SLC41A2: variants seen among roughly 807,000 people sequenced by gnomAD.
The protein encoded by SLC41A2 is solute carrier family 41 member 2, also known as SLC41A1-like 1.
Under a neutral mutation model 58.3 loss-of-function variants are expected in SLC41A2, and 32 were observed. The ratio of observed to expected loss-of-function variants is 0.55; its 90% CI spans 0.41 to 0.74. The LOEUF (loss-of-function observed/expected upper bound fraction) is 0.74. Among genes scored for constraint, SLC41A2 ranks in the 30% least tolerant of loss-of-function variants. The pLI is 0.00. For synonymous variants in SLC41A2, 190 were observed against 235.0 expected, an observed-to-expected ratio of 0.81 and a Z score of 1.75; for missense variants, 514 against 680.6, an observed-to-expected ratio of 0.76 and a Z score of 2.72.
intron 10 of SLC41A2, chr12:104,833,903 A>G (rs997587094): frequency 2.7e-5 from 13 of 487,242 alleles, no homozygotes; most frequent in African/African-American, 2.5e-4. Context: ...TCACTCAGTT[A>G]TAAGATTTTT....
intron 10 of SLC41A2, among the ~76,000 whole-genome samples, chr12:104,819,852 C>T (rs1269577174): frequency 6.6e-6 from 1 of 152,176 alleles, no homozygotes; most frequent in Non-Finnish European, 1.5e-5. Context: ...TGTAAGGATA[C>T]AATGCTGTGG....
At chr12:104,838,501 A>C (rs897043184) in intron 10 of SLC41A2, among the ~76,000 whole-genome samples, 9 of 152,224 alleles carry the variant, frequency 5.9e-5, no homozygotes, top group African/African-American at 2.2e-4. Context: ...AGTATTGCCT[A>C]GTGAAAGTAA....
Position 104,808,675 on chromosome 12 carries a change from C to T in SLC41A2, c.1537-3338G>A, listed in dbSNP as rs948646774. Among the ~76,000 whole-genome samples the T allele has an allele frequency of 3.7e-4, 56 of 152,082 alleles. No individual in the cohort carries two copies. The East Asian group carries it at 4.1e-3, about 11-fold the overall frequency. On this transcript the variant is annotated intron_variant, in intron 10 of 10. Coordinates refer to ENST00000258538, the MANE Select transcript of SLC41A2 (RefSeq NM_001352171.3). ...TCCTCCTTGTACCTCTGGTGGAATTCGGCTGTGAATCCATCTGGTCCTGGA... is the reference window on the plus strand; with the variant it reads ...TCCTCCTTGTACCTCTGGTGGAATTTGGCTGTGAATCCATCTGGTCCTGGA...
intron 7 of SLC41A2, among the ~76,000 whole-genome samples, chr12:104,864,959 C>T (rs552060390): frequency 6.6e-6 from 1 of 151,882 alleles, no homozygotes; most frequent in Admixed American, 6.6e-5. Context: ...TATGAAATGT[C>T]TAGCAATCCT....
At chr12:104,845,700 T>C (rs2042575921) in intron 9 of SLC41A2, 143 bp downstream of exon 9, 6 of 700,390 alleles carry the variant, frequency 8.6e-6, no homozygotes, top group Non-Finnish European at 1.3e-5. Flanking sequence ...TACACATGCC[T>C]TTTCATTCAC....
At chr12:104,930,508 T>C (rs553601820) in intron 1 of SLC41A2, among the ~76,000 whole-genome samples, 29 of 152,134 alleles carry the variant, frequency 1.9e-4, no homozygotes, top group Non-Finnish European at 3.7e-4. Context: ...ACTGCCCCAA[T>C]AGATCTTTAA....
chr12:104,908,902 A>G (rs2045963668), intron 3 of SLC41A2, among the ~76,000 whole-genome samples: 1 of 152,262 alleles, frequency 6.6e-6, no homozygotes, highest in African/African-American at 2.4e-5. Context: ...GGAAAAATGT[A>G]TGTACAAGAA....
At chr12:104,933,094 T>A (rs141087646) in intron 1 of SLC41A2, among the ~76,000 whole-genome samples, 196 of 152,074 alleles carry the variant, frequency 1.3e-3, no homozygotes, top group Middle Eastern at 6.8e-3. Context: ...AGAGTAAACA[T>A]AACCTACAGA....
intron 10 of SLC41A2, among the ~76,000 whole-genome samples, chr12:104,806,432 T>C (rs2040906357): frequency 6.6e-6 from 1 of 152,210 alleles, no homozygotes; most frequent in Non-Finnish European, 1.5e-5. Context: ...CCATGGTGTA[T>C]ATGTGCCACA....
chr12:104,811,254 G>T (rs2468338), intron 10 of SLC41A2, among the ~76,000 whole-genome samples: 67,910 of 151,994 alleles, frequency 0.45, 15,747 homozygotes, highest in Middle Eastern at 0.55. Flanking sequence ...CACGTCTGTT[G>T]TAAGAGCAAA....
At chr12:104,846,142 TA>T (rs2042592826) in intron 8 of SLC41A2, among the ~76,000 whole-genome samples, 168 bp from the exon 9 acceptor site, 1 of 152,230 alleles carries the variant, frequency 6.6e-6, no homozygotes, top group South Asian at 2.1e-4. Flanking sequence ...TCCAAAGGCA[TA>T]AAATCATTGT....
intron 8 of SLC41A2, chr12:104,851,781 G>C (rs551873214): frequency 6.6e-6 from 1 of 152,188 alleles, no homozygotes; most frequent in African/African-American, 2.4e-5. Context: ...TTTAAAGTCT[G>C]GATTCTCTAA....
intron 1 of SLC41A2, among the ~76,000 whole-genome samples, chr12:104,932,903 A>C (rs2047123360): frequency 1.3e-5 from 2 of 152,142 alleles, no homozygotes; most frequent in Non-Finnish European, 2.9e-5. Context: ...TAAAGACTTA[A>C]ATCTAATACC....
chr12:104,864,734 C>T (rs117674174), intron 7 of SLC41A2, among the ~76,000 whole-genome samples: 11,248 of 152,064 alleles, frequency 0.074, 567 homozygotes, highest in Middle Eastern at 0.11. Context: ...TTTATTTCTG[C>T]CATTTATGTA....
chr12:104,815,989 A>G (rs1250110473), intron 10 of SLC41A2, among the ~76,000 whole-genome samples: 1 of 152,168 alleles, frequency 6.6e-6, no homozygotes, highest in Admixed American at 6.5e-5. Flanking sequence ...CCTCCTGGGT[A>G]CTATGGTGGG....
chr12:104,842,022 T>C (rs2042428148), intron 10 of SLC41A2, among the ~76,000 whole-genome samples: 3 of 152,050 alleles, frequency 2.0e-5, no homozygotes, highest in African/African-American at 7.2e-5. Context: ...AATATTTGAA[T>C]AAGAGCTTGG....
chr12:104,830,550 T>C (rs2042002981), intron 10 of SLC41A2, among the ~76,000 whole-genome samples: 1 of 152,128 alleles, frequency 6.6e-6, no homozygotes, highest in African/African-American at 2.4e-5. Flanking sequence ...GAGGGCTGGC[T>C]GTATATTACT....
chr12:104,811,290 G>A (rs907068450), intron 10 of SLC41A2, among the ~76,000 whole-genome samples: 1 of 152,122 alleles, frequency 6.6e-6, no homozygotes, highest in East Asian at 1.9e-4. Flanking sequence ...ACACAGAATG[G>A]CTAAATTCAC....
At chr12:104,806,755 T>C (rs552999091) in intron 10 of SLC41A2, among the ~76,000 whole-genome samples, 1 of 152,120 alleles carries the variant, frequency 6.6e-6, no homozygotes, top group South Asian at 2.1e-4. Flanking sequence ...ATGATTGCCA[T>C]TCTAACTGGT....
Sources: gnomAD v4.1 joint callset for allele counts (sites outside exome capture counted in the v4.1 genomes callset) on GRCh38, gnomAD v4.1.1 for gene constraint, MANE v1.5 for transcripts, NCBI Gene and HGNC (gene_info 2026-07-23, HGNC 2026-07-21) for gene names.